The following PARN variants were observed in gnomAD, a reference collection of about 807,000 sequenced individuals.
PARN encodes the protein poly(A)-specific ribonuclease PARN.
PARN carries 71 observed loss-of-function variants against 102.8 expected under a neutral mutation model. That is an observed-to-expected ratio of 0.69 (90% CI 0.57 to 0.84). The LOEUF is 0.84. PARN is among the 40% of genes least tolerant of loss of function. PARN has a pLI of 0.00. For missense variants in PARN, 782 were observed against 760.9 expected (o/e 1.03, Z -0.33); for synonymous variants, 261 against 252.9 (o/e 1.03, Z -0.30).
At chr16:14,529,215 C>T (rs532167711) in intron 21 of PARN, among the ~76,000 whole-genome samples, 1 of 152,324 alleles carries the variant, frequency 6.6e-6, no homozygotes, top group East Asian at 1.9e-4. Context: ...AATCCGAATG[C>T]TAAGTCTGTC....
chr16:14,628,420 A>T (rs1482768595), intron 2 of PARN, among the ~76,000 whole-genome samples, 169 bp from the exon 3 acceptor site: 1 of 152,194 alleles, frequency 6.6e-6, no homozygotes, highest in African/African-American at 2.4e-5. Context: ...CCACCAGGTT[A>T]AACCCTCTAA....
intron 21 of PARN, among the ~76,000 whole-genome samples, chr16:14,523,078 A>C (rs1965821199): frequency 6.6e-6 from 1 of 152,198 alleles, no homozygotes; most frequent in African/African-American, 2.4e-5. Context: ...GCAAATACTT[A>C]ACAAAAAAGG....
chr16:14,590,299 G>A (rs531296585), intron 13 of PARN, among the ~76,000 whole-genome samples: 2 of 148,322 alleles, frequency 1.3e-5, no homozygotes, highest in South Asian at 4.3e-4. Context: ...ACAGAAGTGT[G>A]GTGAGTGACA....
intron 21 of PARN, among the ~76,000 whole-genome samples, chr16:14,497,480 G>C (rs1199237872): frequency 6.6e-6 from 1 of 152,080 alleles, no homozygotes; most frequent in African/African-American, 2.4e-5. Context: ...ATACCTAATA[G>C]GCACACACAC....
intron 13 of PARN, among the ~76,000 whole-genome samples, chr16:14,592,351 A>G (rs1970253341): frequency 6.6e-6 from 1 of 152,234 alleles, no homozygotes; most frequent in Non-Finnish European, 1.5e-5. Flanking sequence ...CAGAGACCAC[A>G]GCTGGGGATA....
intron 21 of PARN, among the ~76,000 whole-genome samples, chr16:14,516,521 C>CCAT (rs1438222631): frequency 6.6e-6 from 1 of 152,078 alleles, no homozygotes; most frequent in East Asian, 1.9e-4. Flanking sequence ...AGTCAGATTG[C>CCAT]CATCACACTT....
intron 21 of PARN, among the ~76,000 whole-genome samples, chr16:14,548,383 G>C (rs1055255464): frequency 1.3e-5 from 2 of 152,136 alleles, no homozygotes; most frequent in African/African-American, 4.8e-5. Flanking sequence ...AGAAATCACA[G>C]CTAAAGAGCA....
chr16:14,530,003 T>C (rs1280316411), intron 21 of PARN, among the ~76,000 whole-genome samples: 1 of 152,138 alleles, frequency 6.6e-6, no homozygotes, highest in African/African-American at 2.4e-5. Flanking sequence ...CAGCAGCTGG[T>C]TTCCAGGCCT....
At position 14,446,975 on chromosome 16, in the gene PARN, G is replaced by C. The variant is rs1961229056; in HGVS notation, c.1777C>G (p.Gln593Glu). 1.2e-6 allele frequency: 2 copies of C among 1,613,544 alleles called. No homozygotes were observed. Among genetic ancestry groups the C allele is most frequent in the African/African-American group, 1.3e-5 (1 of 74,882 alleles). Residue 593 changes from glutamine to glutamate, a missense_variant, in exon 23 of 24, where the codon CAG becomes GAG. Transcript: ENST00000437198. ...SGEISDTELE[Q>E]TDSCAEPLSE... ...AGGGGCTCTGCACAGGAATCGGTCT[G>C]CTCAAGCTCAGTGTCGGAAATCTCC...
chr16:14,628,742 C>A (rs1233113914), intron 2 of PARN, among the ~76,000 whole-genome samples: 1 of 152,132 alleles, frequency 6.6e-6, no homozygotes, highest in Non-Finnish European at 1.5e-5. Flanking sequence ...CTAGACACTA[C>A]CTAAAGCCAA....
intron 23 of PARN, among the ~76,000 whole-genome samples, chr16:14,438,136 C>A (rs1462361859): frequency 6.6e-6 from 1 of 152,098 alleles, no homozygotes; most frequent in African/African-American, 2.4e-5. Flanking sequence ...TCATGGGGTC[C>A]AGTGAAGTAC....
At chr16:14,442,400 G>C (rs1346543081) in intron 23 of PARN, among the ~76,000 whole-genome samples, 5 of 152,144 alleles carry the variant, frequency 3.3e-5, no homozygotes, top group Admixed American at 3.3e-4. Flanking sequence ...ACCTAGAACT[G>C]CTTGGATGGA....
At chr16:14,473,346 C>G (rs1214983980) in intron 22 of PARN, among the ~76,000 whole-genome samples, 1 of 152,160 alleles carries the variant, frequency 6.6e-6, no homozygotes. Context: ...ATATACTTAA[C>G]TTATAAGATC....
intron 6 of PARN, among the ~76,000 whole-genome samples, chr16:14,612,353 C>G (rs894477324): frequency 6.6e-6 from 1 of 152,070 alleles, no homozygotes; most frequent in African/African-American, 2.4e-5. Context: ...AGGAGAATCA[C>G]TTGAACACAG....
chr16:14,512,473 A>C (rs1357034733), intron 21 of PARN, among the ~76,000 whole-genome samples: 1 of 152,158 alleles, frequency 6.6e-6, no homozygotes, highest in African/African-American at 2.4e-5. Context: ...AGCCTGGGCA[A>C]CAGAGTGAGA....
chr16:14,598,888 G>C (rs1265111621), intron 12 of PARN, among the ~76,000 whole-genome samples: 1 of 152,076 alleles, frequency 6.6e-6, no homozygotes, highest in African/African-American at 2.4e-5. Context: ...TAAGGTATAA[G>C]ATGATTCCTT....
At chr16:14,627,415 T>C (rs1972745259) in intron 3 of PARN, 79 bp from the exon 4 acceptor site, 1 of 959,552 alleles carries the variant, frequency 1.0e-6, no homozygotes, top group East Asian at 2.6e-5. Context: ...ACAGGTGGGC[T>C]TTCTGAATTA....
intron 21 of PARN, among the ~76,000 whole-genome samples, chr16:14,525,147 G>C (rs1965929975): frequency 6.6e-6 from 1 of 152,154 alleles, no homozygotes; most frequent in Admixed American, 6.5e-5. Flanking sequence ...AGATCTCTAA[G>C]AAAAAGATCC....
intron 22 of PARN, among the ~76,000 whole-genome samples, chr16:14,454,345 CCA>C (rs1282528365): frequency 6.6e-6 from 1 of 152,132 alleles, no homozygotes; most frequent in Admixed American, 6.5e-5. Context: ...AAATTTTTTT[CCA>C]CAGTGTGTGC....
Sources: allele counts gnomAD v4.1 joint callset (sites outside exome capture counted in the v4.1 genomes callset), GRCh38; gene constraint gnomAD v4.1.1; transcripts MANE v1.5; gene names NCBI Gene and HGNC (gene_info 2026-07-23, HGNC 2026-07-21).